LRMDA: variants seen among roughly 807,000 people sequenced by gnomAD.
The protein encoded by LRMDA is leucine rich melanocyte differentiation associated.
LRMDA carries 18 observed loss-of-function variants against 29.8 expected under a neutral mutation model. The observed-to-expected ratio is 0.60, with a 90% CI of 0.42 to 0.90. LRMDA has a LOEUF of 0.90. Among genes scored for constraint, LRMDA ranks in the 40% least tolerant of loss-of-function variants. The pLI, the probability that LRMDA is intolerant of heterozygous loss-of-function variation, is 0.00. For missense variants in LRMDA, 273 were observed against 273.9 expected (o/e 1.00, Z 0.02); for synonymous variants, 125 against 109.4 (o/e 1.14, Z -0.89).
intron 5 of LRMDA, among the ~76,000 whole-genome samples, chr10:76,106,559 C>T (rs533480439): frequency 1.3e-5 from 2 of 152,138 alleles, no homozygotes; most frequent in African/African-American, 4.8e-5. Context: ...TGGAGGAGTC[C>T]GTCACAAGCA....
intron 6 of LRMDA, among the ~76,000 whole-genome samples, chr10:76,370,126 C>CA (rs34093833): frequency 0.99 from 150,548 of 152,040 alleles, 74,576 homozygotes; most frequent in Non-Finnish European, 1. Flanking sequence ...TTTATGCCAG[C>CA]AAAAAAAGTA....
rs1235032216 is a variant in LRMDA at position 75,692,569 on chromosome 10, G to A, written c.131+254075G>A. On this transcript the variant is annotated intron_variant, in intron 2 of 6. Transcript: ENST00000611255. ...TACACATATACATATGTATACGTGT[G>A]TGTGTGTGTGTGTGTGTGTGTGTGT... 6.0e-4 allele frequency among the ~76,000 whole-genome samples: 22 copies of A among 36,450 alleles called. No individual in the cohort carries two copies. In the African/African-American group the frequency reaches 0.019, roughly 31 times the overall value. The allele number at this position is 36,450 out of a possible 152,430, so 23.9% of individuals were successfully genotyped here.
chr10:76,092,711 G>A (rs1589323488), intron 5 of LRMDA, among the ~76,000 whole-genome samples: 1 of 152,244 alleles, frequency 6.6e-6, no homozygotes, highest in East Asian at 1.9e-4. Context: ...TTCGGTAGTT[G>A]CTGTGATTAA....
At chr10:75,569,708 G>C (rs944397869) in intron 2 of LRMDA, among the ~76,000 whole-genome samples, 1 of 152,194 alleles carries the variant, frequency 6.6e-6, no homozygotes, top group Non-Finnish European at 1.5e-5. Context: ...GCCTGCAGAC[G>C]AATCACACAA....
At chr10:75,948,364 G>A (rs1320283108) in intron 2 of LRMDA, among the ~76,000 whole-genome samples, 1 of 152,182 alleles carries the variant, frequency 6.6e-6, no homozygotes, top group African/African-American at 2.4e-5. Flanking sequence ...ATCATGAAAT[G>A]AATGTTATTG....
intron 2 of LRMDA, among the ~76,000 whole-genome samples, chr10:75,506,386 A>G (rs1426625197): frequency 6.6e-6 from 1 of 152,254 alleles, no homozygotes; most frequent in Admixed American, 6.5e-5. Context: ...TGGGATTTCC[A>G]AACCAACTAA....
chr10:75,652,789 T>C (rs904585946), intron 2 of LRMDA, among the ~76,000 whole-genome samples: 3 of 152,200 alleles, frequency 2.0e-5, no homozygotes, highest in African/African-American at 7.2e-5. Context: ...TCCCCTTTGA[T>C]CACTTCTTTC....
At chr10:75,592,624 C>T (rs1170862085) in intron 2 of LRMDA, among the ~76,000 whole-genome samples, 1 of 152,184 alleles carries the variant, frequency 6.6e-6, no homozygotes, top group East Asian at 1.9e-4. Context: ...CTACCGTCGT[C>T]GGGCATAACG....
chr10:76,559,670 C>CAA lies in LRMDA; in HGVS notation c.*2384_*2385dup, dbSNP rs900880263. The CAA allele has an allele frequency of 1.3e-5, 2 of 152,192 alleles. No homozygotes were observed. The highest frequency in any genetic ancestry group is 4.8e-5 in the African/African-American group (2 of 41,448). The allele number at this position is 152,192 out of a possible 1,614,324, so 9.4% of individuals were successfully genotyped here. ...TAGGAATTTCCCAAACCTTGTTTTT[C>CAA]AAAGTTGAGAAGTAGAAAGTAATAA... On this transcript the variant is annotated 3_prime_UTR_variant, in exon 7 of 7. Coordinates refer to ENST00000611255, the MANE Select transcript of LRMDA (RefSeq NM_001305581.2).
At chr10:76,265,140 G>A (rs1033933309) in intron 5 of LRMDA, among the ~76,000 whole-genome samples, 3 of 152,174 alleles carry the variant, frequency 2.0e-5, no homozygotes, top group South Asian at 2.1e-4. Flanking sequence ...GACTGAGTGC[G>A]TGAACAGCAG....
At chr10:75,568,028 G>A (rs1041172819) in intron 2 of LRMDA, among the ~76,000 whole-genome samples, 6 of 152,172 alleles carry the variant, frequency 3.9e-5, no homozygotes, top group South Asian at 2.1e-4. Flanking sequence ...CTAGGATATC[G>A]TGTTCAATTC....
At chr10:75,506,149 A>T (rs1040303309) in intron 2 of LRMDA, among the ~76,000 whole-genome samples, 17 of 152,330 alleles carry the variant, frequency 1.1e-4, no homozygotes, top group Non-Finnish European at 2.5e-4. Context: ...TAGTACTCCC[A>T]CTAATCCTGT....
chr10:76,534,315 A>T (rs966106194), intron 6 of LRMDA, among the ~76,000 whole-genome samples: 3 of 152,106 alleles, frequency 2.0e-5, no homozygotes, highest in Non-Finnish European at 4.4e-5. Context: ...TGAGTGTGTC[A>T]CACTCGTGAA....
intron 2 of LRMDA, among the ~76,000 whole-genome samples, chr10:75,937,110 T>TACCA (rs942517795): frequency 6.6e-6 from 1 of 152,196 alleles, no homozygotes; most frequent in African/African-American, 2.4e-5. Context: ...TGAAACCAGT[T>TACCA]ACCAGTTCCA....
intron 2 of LRMDA, among the ~76,000 whole-genome samples, chr10:75,615,680 A>C (rs1424003291): frequency 6.6e-6 from 1 of 152,224 alleles, no homozygotes; most frequent in African/African-American, 2.4e-5. Context: ...CATCCATTGA[A>C]TAGTCATGGT....
chr10:76,429,567 G>A (rs1447553595), intron 6 of LRMDA, among the ~76,000 whole-genome samples: 2 of 151,792 alleles, frequency 1.3e-5, no homozygotes, highest in Admixed American at 1.3e-4. Context: ...GACGGGTTGC[G>A]TTTCATTAAA....
chr10:75,641,494 G>A (rs1276611951), intron 2 of LRMDA, among the ~76,000 whole-genome samples: 1 of 151,796 alleles, frequency 6.6e-6, no homozygotes, highest in African/African-American at 2.4e-5. Context: ...ATGGTTAAAT[G>A]TGATTTAATA....
At chr10:76,249,471 T>C (rs1323275132) in intron 5 of LRMDA, among the ~76,000 whole-genome samples, 1 of 152,176 alleles carries the variant, frequency 6.6e-6, no homozygotes, top group Non-Finnish European at 1.5e-5. Context: ...AGAACTCCGA[T>C]GGCACCCATG....
chr10:75,729,899 G>C (rs952005551), intron 2 of LRMDA, among the ~76,000 whole-genome samples: 3 of 152,128 alleles, frequency 2.0e-5, no homozygotes, highest in Non-Finnish European at 4.4e-5. Flanking sequence ...CTTTGCTAAA[G>C]CAATCCTCTC....
Sources: allele counts gnomAD v4.1 joint callset (sites outside exome capture counted in the v4.1 genomes callset), GRCh38; gene constraint gnomAD v4.1.1; transcripts MANE v1.5; gene names NCBI Gene and HGNC (gene_info 2026-07-23, HGNC 2026-07-21).